The following SIGLECL1 variants were observed in gnomAD, a reference collection of about 807,000 sequenced individuals.
SIGLECL1 encodes the protein SIGLEC family-like protein 1.
Under a neutral mutation model 19.1 loss-of-function variants are expected in SIGLECL1, and 16 were observed. That is an observed-to-expected ratio of 0.84 (90% CI 0.57 to 1.27). The LOEUF is 1.27. Among genes scored for constraint, SIGLECL1 ranks in the 50% most tolerant of loss-of-function variants. The pLI is 0.00. For missense variants in SIGLECL1, 210 were observed against 239.4 expected (o/e 0.88, Z 0.81); for synonymous variants, 89 against 90.4 (o/e 0.98, Z 0.09).
chr19:51,249,265 T>A (rs565187038), upstream of SIGLECL1, among the ~76,000 whole-genome samples: 1 of 152,120 alleles, frequency 6.6e-6, no homozygotes, highest in South Asian at 2.1e-4. Context: ...TAGGTACTGA[T>A]AATATCAATT....
upstream of SIGLECL1, among the ~76,000 whole-genome samples, chr19:51,249,390 G>T (rs1178453100): frequency 6.6e-6 from 1 of 152,064 alleles, no homozygotes; most frequent in East Asian, 1.9e-4. Flanking sequence ...TCTATCTGGG[G>T]CCTGCTCTGC....
chr19:51,267,407 G>C lies in SIGLECL1; in HGVS notation c.445G>C (p.Ala149Pro), dbSNP rs770150804. Residue 149 changes from alanine to proline, a missense_variant, in exon 5 of 6, where the codon GCT (alanine) becomes CCT (proline). Ala to Pro is a conservative substitution (Grantham distance 27). Transcript: ENST00000601727. Reference protein sequence around the residue: ...KHIRKKQAKKAAAIRAKKSSK... With the variant: ...KHIRKKQAKKPAAIRAKKSSK... ...TATCAGAAAGAAGCAGGCGAAGAAA[G>C]CTGCAGCGATCAGAGCAAAAAAGAG... The C allele has an allele frequency of 5.6e-6, 9 of 1,613,730 alleles. No individual in the cohort carries two copies. In the African/African-American group the frequency reaches 9.3e-5, roughly 17 times the overall value.
intron 5 of SIGLECL1, 70 bp downstream of exon 5, chr19:51,267,599 A>C: frequency 6.4e-7 from 1 of 1,561,860 alleles, no homozygotes; most frequent in Non-Finnish European, 8.7e-7. Context: ...GGAAAGGAGC[A>C]CACAGTGTTT....
chr19:51,268,506 T>C (rs751832177), intron 5 of SIGLECL1, 65 bp from the exon 6 acceptor site: 42 of 1,559,178 alleles, frequency 2.7e-5, no homozygotes, highest in Non-Finnish European at 3.3e-5. Flanking sequence ...AAGATTTGGA[T>C]ACCTCACCTC....
chr19:51,255,837 A>T (rs1982768982), intron 1 of SIGLECL1: 2 of 152,232 alleles, frequency 1.3e-5, no homozygotes, highest in Admixed American at 1.3e-4. Flanking sequence ...CTGTTGGTGG[A>T]AATGTAAATT....
chr19:51,267,931 C>G (rs890396550), intron 5 of SIGLECL1, among the ~76,000 whole-genome samples: 1 of 152,046 alleles, frequency 6.6e-6, no homozygotes, highest in African/African-American at 2.4e-5. Flanking sequence ...GAGATTAGGC[C>G]AAGCCCAGGT....
chr19:51,254,369 ATAG>A (rs963748333), intron 1 of SIGLECL1, among the ~76,000 whole-genome samples: 56 of 152,226 alleles, frequency 3.7e-4, no homozygotes, highest in African/African-American at 1.3e-3. Context: ...CAGTATCCAA[ATAG>A]TAGAAACAAC....
Position 51,265,837 on chromosome 19 carries a change from C to T in SIGLECL1, c.365C>T (p.Ala122Val), listed in dbSNP as rs145455195. The change falls in exon 4 of 6, where the codon GCG (alanine) becomes GTG (valine). Residue 122 changes from alanine (A) to valine (V), a missense_variant. Physicochemically the swap from Ala to Val is moderately conservative, Grantham distance 64. Coordinates refer to ENST00000601727, the MANE Select transcript of SIGLECL1 (RefSeq NM_001385465.1). ...VKGLIQGAIY[A>V]GIVIALLFLC... The stretch of plus-strand genomic sequence containing the variant: ...GGGCTGATCCAGGGTGCTATCTATG[C>T]GGGAATTGTAATTGCGCTGCTCTTC... 73 of 1,613,966 alleles carry T rather than the reference C, an allele frequency of 4.5e-5. 1 individual carries two copies. Among genetic ancestry groups the T allele is most frequent in the South Asian group, 1.5e-4 (14 of 91,076 alleles).
rs191976894 is a variant in SIGLECL1 at position 51,263,736 on chromosome 19, C to T, written c.-190-147C>T. On this transcript the variant is annotated intron_variant, in intron 1 of 5. Coordinates refer to ENST00000601727, the MANE Select transcript of SIGLECL1 (RefSeq NM_001385465.1). ...TCGAGCCACTGCACTCCAGCCTGGG[C>T]GACAGAGTAAGATTCCATCTCAAAA... 140 of 185,498 alleles carry T rather than the reference C, an allele frequency of 7.5e-4. 1 individual carries two copies. The highest frequency in any genetic ancestry group is 1.3e-3 in the Non-Finnish European group (114 of 89,150). The allele number at this position is 185,498 out of a possible 1,614,324, so 11.5% of individuals were successfully genotyped here. A position where few individuals can be genotyped will look rare whatever the true frequency, so the allele number is the denominator to read the frequency against.
upstream of SIGLECL1, among the ~76,000 whole-genome samples, chr19:51,247,546 G>A (rs1438658308): frequency 6.6e-6 from 1 of 152,032 alleles, no homozygotes; most frequent in Non-Finnish European, 1.5e-5. Flanking sequence ...AGCCTCCCAA[G>A]TAGCTGGGAC....
chr19:51,253,678 T>C (rs1168367740), intron 1 of SIGLECL1, among the ~76,000 whole-genome samples: 1 of 152,228 alleles, frequency 6.6e-6, no homozygotes, highest in Non-Finnish European at 1.5e-5. Flanking sequence ...TCTTATATTT[T>C]ATTCATGAGG....
intron 3 of SIGLECL1, 29 bp from the exon 4 acceptor site, chr19:51,265,748 C>CA: frequency 6.2e-7 from 1 of 1,613,886 alleles, no homozygotes; most frequent in Non-Finnish European, 8.5e-7. Context: ...GCTCCGATGC[C>CA]AAACTTCTCA....
In SIGLECL1 at chr19:51,268,936, CT is replaced by C; in HGVS notation, c.*343del. ...ATGAATCAAGTCCATCAGCAAGTTACTTTTGAGCGCCTACTGTGTGTCAGTG... is the reference window on the plus strand; with the variant it reads ...ATGAATCAAGTCCATCAGCAAGTTACTTTGAGCGCCTACTGTGTGTCAGTG... On this transcript the variant is annotated 3_prime_UTR_variant, in exon 6 of 6. Coordinates refer to ENST00000601727, the MANE Select transcript of SIGLECL1 (RefSeq NM_001385465.1). 8.4e-6 allele frequency: 2 copies of C among 237,072 alleles called. No individual in the cohort carries two copies. The highest frequency in any genetic ancestry group is 1.6e-5 in the Non-Finnish European group (2 of 121,854). 14.7% of individuals were successfully genotyped at this position (237,072 alleles called of 1,614,324 possible). A position where few individuals can be genotyped will look rare whatever the true frequency, so the allele number is the denominator to read the frequency against.
chr19:51,258,897 G>A (rs1489368646), intron 1 of SIGLECL1, among the ~76,000 whole-genome samples: 2 of 152,140 alleles, frequency 1.3e-5, no homozygotes. Context: ...CATCAAGTCT[G>A]CTATATTTAC....
At chr19:51,263,206 A>G (rs1398970426) in intron 1 of SIGLECL1, among the ~76,000 whole-genome samples, 1 of 152,214 alleles carries the variant, frequency 6.6e-6, no homozygotes, top group African/African-American at 2.4e-5. Context: ...CTTTTTTAAT[A>G]GAAATTTACT....
rs1404720443 is a variant in SIGLECL1, at chr19:51,251,107, G to T, written c.-629G>T. ...ACTCACCTAAGGATGCGAGCTAGCA[G>T]GTCTTGCAGCGGCTATCACGCCCCT... On this transcript the variant is annotated 5_prime_UTR_variant, in exon 1 of 6. It adds an upstream start codon to the 5' untranslated region. Transcript: ENST00000601727. 1 of 152,254 alleles carries T rather than the reference G, an allele frequency of 6.6e-6. No homozygotes were observed. Among genetic ancestry groups the T allele is most frequent in the African/African-American group, 2.4e-5 (1 of 41,466 alleles). The allele number at this position is 152,254 out of a possible 1,614,324, so 9.4% of individuals were successfully genotyped here.
chr19:51,247,461 C>T (rs962227757), upstream of SIGLECL1, among the ~76,000 whole-genome samples: 1 of 151,462 alleles, frequency 6.6e-6, no homozygotes, highest in African/African-American at 2.4e-5. Flanking sequence ...ATCCATCACT[C>T]AGGCTGGAGT....
intron 5 of SIGLECL1, 125 bp from the exon 6 acceptor site, chr19:51,268,446 A>G: frequency 1.0e-6 from 1 of 985,160 alleles, no homozygotes; most frequent in Non-Finnish European, 1.6e-6. Flanking sequence ...GGGCTAAGCC[A>G]GTGCTCACTC....
upstream of SIGLECL1, among the ~76,000 whole-genome samples, chr19:51,249,096 T>C (rs146165453): frequency 4.6e-5 from 7 of 152,158 alleles, no homozygotes; most frequent in Non-Finnish European, 5.9e-5. Context: ...AGGATATAAA[T>C]TATGGGGATA....
Sources: allele counts gnomAD v4.1 joint callset (sites outside exome capture counted in the v4.1 genomes callset), GRCh38; gene constraint gnomAD v4.1.1; transcripts MANE v1.5; gene names NCBI Gene and HGNC (gene_info 2026-07-23, HGNC 2026-07-21).